The following MGRN1 variants were observed in gnomAD, a reference collection of about 807,000 sequenced individuals.
MGRN1 encodes the protein E3 ubiquitin-protein ligase MGRN1.
A neutral mutation model predicts 69.2 loss-of-function variants in MGRN1; 29 were observed. That is an observed-to-expected ratio of 0.42 (90% CI 0.31 to 0.57). The LOEUF (loss-of-function observed/expected upper bound fraction) is 0.57, where lower values mean the gene tolerates loss of function less well. MGRN1 is among the 20% of genes least tolerant of loss of function. The pLI, the probability that MGRN1 is intolerant of heterozygous loss-of-function variation, is 0.15. For missense variants in MGRN1, 998 were observed against 796.2 expected (o/e 1.25, Z -3.05); for synonymous variants, 470 against 344.2 (o/e 1.37, Z -4.04).
Position 4,688,945 on chromosome 16 carries a change from C to T in MGRN1, c.*37C>T, listed in dbSNP as rs1419819878. The T allele has an allele frequency of 6.6e-7, 1 of 1,514,104 alleles. No homozygotes were observed. The highest frequency in any genetic ancestry group is 1.4e-5 in the African/African-American group (1 of 72,284). The allele number at this position is 1,514,104 out of a possible 1,614,324, so 93.8% of individuals were successfully genotyped here. On this transcript the variant is annotated 3_prime_UTR_variant, in exon 17 of 17. Coordinates refer to ENST00000262370, the MANE Select transcript of MGRN1 (RefSeq NM_015246.4). ...AGCTGGCAGCATGGAGCCCTCGGCT[C>T]CCCAGACTTTGCCGAGGGGCTGCTC...
intron 1 of MGRN1, among the ~76,000 whole-genome samples, chr16:4,628,263 G>A (rs1165497733): frequency 6.6e-6 from 1 of 151,298 alleles, no homozygotes; most frequent in African/African-American, 2.4e-5. Flanking sequence ...GCAGGCGCTT[G>A]TAGTCCCAGC....
chr16:4,680,836 G>T (rs147329457), intron 12 of MGRN1, among the ~76,000 whole-genome samples: 2 of 151,856 alleles, frequency 1.3e-5, no homozygotes, highest in East Asian at 3.9e-4. Flanking sequence ...CAGGCATCCC[G>T]CACCCATCTC....
At chr16:4,637,481 G>C (rs1277729441) in intron 1 of MGRN1, among the ~76,000 whole-genome samples, 2 of 152,104 alleles carry the variant, frequency 1.3e-5, no homozygotes, top group Admixed American at 6.6e-5. Flanking sequence ...CTGGTTTATA[G>C]GAGCTCTTTC....
At chr16:4,679,459 C>A (rs564741910) in intron 11 of MGRN1, among the ~76,000 whole-genome samples, 1 of 152,030 alleles carries the variant, frequency 6.6e-6, no homozygotes, top group Non-Finnish European at 1.5e-5. Context: ...TCCTCCTCAC[C>A]TGCCAGGTTC....
intron 7 of MGRN1, 29 bp from the exon 8 acceptor site, chr16:4,668,236 C>T: frequency 3.7e-6 from 6 of 1,613,076 alleles, no homozygotes; most frequent in Non-Finnish European, 5.1e-6. Flanking sequence ...GCTTGACCAC[C>T]TTAACCTCTT....
intron 1 of MGRN1, among the ~76,000 whole-genome samples, chr16:4,627,014 C>T (rs1368182508): frequency 1.3e-5 from 2 of 152,182 alleles, no homozygotes; most frequent in African/African-American, 2.4e-5. Context: ...CTCTTCTGGT[C>T]CTTGCCTTTG....
intron 16 of MGRN1, 137 bp from the exon 17 acceptor site, chr16:4,688,659 A>G: frequency 6.9e-7 from 1 of 1,439,600 alleles, no homozygotes; most frequent in East Asian, 2.5e-5. Context: ...CATCTGAGTG[A>G]ATGCTGTTGT....
At chr16:4,683,628 T>C (rs1355034369) in intron 15 of MGRN1, among the ~76,000 whole-genome samples, 1 of 150,782 alleles carries the variant, frequency 6.6e-6, no homozygotes, top group African/African-American at 2.4e-5. Context: ...AGCCCCATGC[T>C]GGGGGATGGG....
At chr16:4,655,341 C>G (rs2078510043) in intron 4 of MGRN1, among the ~76,000 whole-genome samples, 1 of 152,200 alleles carries the variant, frequency 6.6e-6, no homozygotes, top group Non-Finnish European at 1.5e-5. Flanking sequence ...AGAGGGTGCC[C>G]TGCCAGCCCT....
At chr16:4,637,468 T>G (rs1898363103) in intron 1 of MGRN1, among the ~76,000 whole-genome samples, 1 of 152,174 alleles carries the variant, frequency 6.6e-6, no homozygotes, top group African/African-American at 2.4e-5. Flanking sequence ...TCTTTTTTTC[T>G]TACTGGTTTA....
At position 4,688,410 on chromosome 16, in the gene MGRN1, G is replaced by A. The variant is rs535713957; in HGVS notation, c.1619-386G>A. On this transcript the variant is annotated intron_variant, in intron 16 of 16. Transcript: ENST00000262370. ...CCCACCCCTGCACCCTGGGTTGACC[G>A]AGTTCCACCCTAACCCAGCCGTAAG... is the stretch of plus-strand genomic sequence containing the variant. 229 of 1,026,376 alleles carry A rather than the reference G, an allele frequency of 2.2e-4. No individual in the cohort carries two copies. The African/African-American group carries it at 3.1e-3, about 14-fold the overall frequency. 63.6% of individuals were successfully genotyped at this position (1,026,376 alleles called of 1,614,324 possible).
chr16:4,665,318 C>T (rs137916503), intron 7 of MGRN1, among the ~76,000 whole-genome samples, 167 bp downstream of exon 7: 1 of 151,050 alleles, frequency 6.6e-6, no homozygotes, highest in Non-Finnish European at 1.5e-5. Context: ...TTCTAGCATT[C>T]TGGTCCTGAG....
chr16:4,637,271 A>G (rs1898350567), intron 1 of MGRN1, among the ~76,000 whole-genome samples: 1 of 151,706 alleles, frequency 6.6e-6, no homozygotes, highest in South Asian at 2.1e-4. Flanking sequence ...CTCTACTAAA[A>G]ATTCAAAAAT....
chr16:4,671,201 A>T, intron 8 of MGRN1, 190 bp from the exon 9 acceptor site: 3 of 606,422 alleles, frequency 4.9e-6, no homozygotes, highest in South Asian at 3.9e-5. Flanking sequence ...GCCCTGTTCC[A>T]GGTGCTGCTG....
Position 4,673,616 on chromosome 16 carries a change from C to T in MGRN1, c.914C>T (p.Thr305Met), listed in dbSNP as rs752945558. The change falls in exon 10 of 17, where the codon ACG (threonine) becomes ATG (methionine). Residue 305 changes from threonine to methionine, a missense_variant. Thr to Met is a moderately conservative substitution (Grantham distance 81). Transcript: ENST00000262370. ...HLCLCTSCADTLRYQANNCPI... is the reference protein window; with the variant it reads ...HLCLCTSCADMLRYQANNCPI... Reference sequence around the variant, plus strand: ...TGCCTCTGTACCTCCTGCGCCGACACGCTGCGCTACCAGGCCAACAACTGC... The same window carrying T: ...TGCCTCTGTACCTCCTGCGCCGACATGCTGCGCTACCAGGCCAACAACTGC... 1.1e-5 allele frequency: 18 copies of T among 1,613,516 alleles called. No homozygotes were observed. The highest frequency in any genetic ancestry group is 9.9e-5 in the South Asian group (9 of 91,082).
At chr16:4,625,260 C>G (rs1897613835) in intron 1 of MGRN1, among the ~76,000 whole-genome samples, 1 of 152,230 alleles carries the variant, frequency 6.6e-6, no homozygotes. Context: ...GGCGCTGCTA[C>G]TGCCCGGCTT....
At chr16:4,643,706 C>T (rs1016133920) in intron 1 of MGRN1, among the ~76,000 whole-genome samples, 12 of 152,082 alleles carry the variant, frequency 7.9e-5, no homozygotes, top group Admixed American at 3.3e-4. Flanking sequence ...GTGTCTGCAA[C>T]CAAAATATGC....
intron 5 of MGRN1, 139 bp downstream of exon 5, chr16:4,657,502 G>A (rs1004260250): frequency 7.2e-6 from 6 of 828,762 alleles, no homozygotes; most frequent in Non-Finnish European, 1.2e-5. Flanking sequence ...CCCAGTCTGT[G>A]CTCAGGTGGA....
At chr16:4,675,748 AAATT>A (rs1452912826) in intron 10 of MGRN1, among the ~76,000 whole-genome samples, 205 of 152,228 alleles carry the variant, frequency 1.3e-3, no homozygotes, top group African/African-American at 4.6e-3. Flanking sequence ...AAAAAAAAAA[AAATT>A]ATAGCGAAGT....
Sources: allele counts gnomAD v4.1 joint callset (sites outside exome capture counted in the v4.1 genomes callset), GRCh38; gene constraint gnomAD v4.1.1; transcripts MANE v1.5; gene names NCBI Gene and HGNC (gene_info 2026-07-23, HGNC 2026-07-21).